PCDHGA6: variants seen among roughly 807,000 people sequenced by gnomAD.
The protein encoded by PCDHGA6 is protocadherin gamma-A6.
A neutral mutation model predicts 60.6 loss-of-function variants in PCDHGA6; 41 were observed. The observed-to-expected ratio is 0.68, with a 90% CI of 0.53 to 0.88. PCDHGA6 has a LOEUF of 0.88. Among genes scored for constraint, PCDHGA6 ranks in the 40% least tolerant of loss-of-function variants. The probability of loss-of-function intolerance (pLI) is 0.00; values close to 1 mark genes in which losing one functional copy is unlikely to be tolerated. For synonymous variants in PCDHGA6, 594 were observed against 524.4 expected (o/e 1.13, Z -1.81); for missense variants, 1,312 against 1,203.0 (o/e 1.09, Z -1.34).
intron 1 of PCDHGA6, chr5:141,383,954 T>C: frequency 6.2e-7 from 1 of 1,613,650 alleles, no homozygotes; most frequent in Non-Finnish European, 8.5e-7. Flanking sequence ...ATGACGTCTT[T>C]AAGTAGCTCA....
At chr5:141,467,431 C>T (rs1452587540) in intron 1 of PCDHGA6, among the ~76,000 whole-genome samples, 1 of 152,170 alleles carries the variant, frequency 6.6e-6, no homozygotes, top group African/African-American at 2.4e-5. Flanking sequence ...GTTATAGAAA[C>T]ATTCATTACT....
At chr5:141,464,407 A>C (rs996561936) in intron 1 of PCDHGA6, among the ~76,000 whole-genome samples, 1 of 151,544 alleles carries the variant, frequency 6.6e-6, no homozygotes, top group Non-Finnish European at 1.5e-5. Flanking sequence ...CCTGAGATAT[A>C]TATATATCTA....
At chr5:141,455,239 G>A (rs1034181635) in intron 1 of PCDHGA6, among the ~76,000 whole-genome samples, 1 of 151,898 alleles carries the variant, frequency 6.6e-6, no homozygotes, top group African/African-American at 2.4e-5. Context: ...AAATGTTAAA[G>A]GTCATAGTAC....
Position 141,456,287 on chromosome 5 carries a change from C to A in PCDHGA6, c.2425-38520C>A, listed in dbSNP as rs951430060. On this transcript the variant is annotated intron_variant, in intron 1 of 3. Transcript: ENST00000517434. ...CTGGCTACTTCCTGCTGAAAAGGGGCGTCTAATGGAGAACAGCAGCTAGGG... is the reference window on the plus strand; with the variant it reads ...CTGGCTACTTCCTGCTGAAAAGGGGAGTCTAATGGAGAACAGCAGCTAGGG... Among the ~76,000 whole-genome samples, 11 of 152,166 alleles carry A rather than the reference C, an allele frequency of 7.2e-5. No individual in the cohort carries two copies. In the East Asian group the frequency reaches 1.9e-3, roughly 27 times the overall value.
In PCDHGA6 at chr5:141,405,081, C is replaced by T. The variant is rs749102403; in HGVS notation, c.2424+28574C>T. 1.0e-4 allele frequency: 163 copies of T among 1,613,766 alleles called. No homozygotes were observed. The highest frequency in any genetic ancestry group is 1.2e-4 in the Non-Finnish European group (138 of 1,179,768). ...TGTGTCTTCCTCACCTTCGTTATCA[C>T]GCTGCTGGCCCTCAGGCTGAGGCAC... On this transcript the variant is annotated intron_variant, in intron 1 of 3. Transcript: ENST00000517434.
chr5:141,388,324 A>G, intron 1 of PCDHGA6: 1 of 1,613,978 alleles, frequency 6.2e-7, no homozygotes, highest in Non-Finnish European at 8.5e-7. Context: ...GAGTCTGCAC[A>G]GCCTGGCACA....
chr5:141,428,891 G>A (rs1382228334), intron 1 of PCDHGA6: 3 of 149,832 alleles, frequency 2.0e-5, no homozygotes, highest in East Asian at 3.9e-4. Flanking sequence ...GTCTCGCTCT[G>A]TGGTCCAGGC....
intron 1 of PCDHGA6, chr5:141,399,285 C>G (rs751998465): frequency 6.2e-7 from 1 of 1,613,838 alleles, no homozygotes; most frequent in Non-Finnish European, 8.5e-7. Flanking sequence ...AAGGCGAAGT[C>G]CCTTTTAAGA....
chr5:141,411,258 A>G (rs1415319110), intron 1 of PCDHGA6: 1 of 152,200 alleles, frequency 6.6e-6, no homozygotes, highest in African/African-American at 2.4e-5. Flanking sequence ...TATCTTATTT[A>G]TATATTTTTA....
At chr5:141,391,203 T>C (rs77020243) in intron 1 of PCDHGA6, 3 of 152,214 alleles carry the variant, frequency 2.0e-5, no homozygotes, top group Non-Finnish European at 4.4e-5. Flanking sequence ...ATATACAAAA[T>C]ACCAAGGAAC....
chr5:141,431,004 G>A lies in PCDHGA6; in HGVS notation c.2424+54497G>A, dbSNP rs569594120. The A allele has an allele frequency of 6.2e-7, 1 of 1,614,048 alleles. No homozygotes were observed. The highest frequency in any genetic ancestry group is 1.1e-5 in the South Asian group (1 of 91,074). On this transcript the variant is annotated intron_variant, in intron 1 of 3. Coordinates refer to ENST00000517434, the MANE Select transcript of PCDHGA6 (RefSeq NM_018919.3). The surrounding 1 kb of genome is among the most constrained non-coding windows in gnomAD (Gnocchi z 4.8). ...CTTTTCGCCCTGAATCCGCGCAGCG[G>A]CAGCTTGGTCACGGCGGGCAGGATA... is the stretch of plus-strand genomic sequence containing the variant.
chr5:141,389,771 C>G, intron 1 of PCDHGA6: 1 of 1,613,206 alleles, frequency 6.2e-7, no homozygotes, highest in Non-Finnish European at 8.5e-7. Context: ...CAGCGCGTGC[C>G]TTAGGCGACA....
intron 1 of PCDHGA6, chr5:141,411,226 C>G (rs781690096): frequency 6.6e-6 from 1 of 151,996 alleles, no homozygotes; most frequent in South Asian, 2.1e-4. Flanking sequence ...TTCAAATTTG[C>G]GAAGACTTAG....
chr5:141,376,736 G>T (rs1158010904), intron 1 of PCDHGA6: 1 of 522,720 alleles, frequency 1.9e-6, no homozygotes, highest in Non-Finnish European at 3.2e-6. Flanking sequence ...CCGGACTGCG[G>T]ACTGCAGTGG....
At chr5:141,414,316 G>T (rs2095734692) in intron 1 of PCDHGA6, 1 of 1,613,682 alleles carries the variant, frequency 6.2e-7, no homozygotes, top group Admixed American at 1.7e-5. Flanking sequence ...TTTAGACTCT[G>T]AGCAGAATGG....
chr5:141,491,537 C>T lies in PCDHGA6; in HGVS notation c.2425-3270C>T, dbSNP rs1330469043. The T allele has an allele frequency of 3.1e-6, 5 of 1,613,908 alleles. No homozygotes were observed. The highest frequency in any genetic ancestry group is 4.2e-6 in the Non-Finnish European group (5 of 1,180,020). On this transcript the variant is annotated intron_variant, in intron 1 of 3. Transcript: ENST00000517434. This position sits in a 1 kb window ranked among gnomAD's most constrained non-coding sequence, Gnocchi z 6.9. ...AAGTACATGGAGGTGACGCTGCGGC[C>T]CACAGACTCGCAGAGCCACTGCTAC...
At position 141,511,574 on chromosome 5, in the gene PCDHGA6, GT is replaced by G. The variant is rs1158598698; in HGVS notation, c.*403del. ...CAGTTCCTCTTTCCCGAGTAAGGTG[GT>G]TGGGGTGTTGAAGTACCAAGTAACC... On this transcript the variant is annotated 3_prime_UTR_variant, in exon 4 of 4. Coordinates refer to ENST00000517434, the MANE Select transcript of PCDHGA6 (RefSeq NM_018919.3). 3.5e-6 allele frequency: 1 copy of G among 287,556 alleles called. No individual in the cohort carries two copies. The highest frequency in any genetic ancestry group is 2.2e-5 in the African/African-American group (1 of 46,340). 17.8% of individuals were successfully genotyped at this position (287,556 alleles called of 1,614,324 possible).
rs748972821 is a variant in PCDHGA6 at position 141,476,094 on chromosome 5, GAGAGGAACT to G, written c.2425-18712_2425-18704del. ...TCTCAGGGACGATCTGGACCCCGCT[GAGAGGAACT>G]GCTTTTGAGTGAGATGGTCCCAGAG... is the stretch of plus-strand genomic sequence containing the variant. On this transcript the variant is annotated intron_variant, in intron 1 of 3. Coordinates refer to ENST00000517434, the MANE Select transcript of PCDHGA6 (RefSeq NM_018919.3). This position sits in a 1 kb window ranked among gnomAD's most constrained non-coding sequence, Gnocchi z 7.6. 6.4e-7 allele frequency: 1 copy of G among 1,568,172 alleles called. No individual in the cohort carries two copies. The highest frequency in any genetic ancestry group is 1.2e-5 in the South Asian group (1 of 85,292).
intron 1 of PCDHGA6, chr5:141,400,083 C>T (rs1396687812): frequency 6.2e-7 from 1 of 1,614,048 alleles, no homozygotes; most frequent in Non-Finnish European, 8.5e-7. Context: ...CACTCTCCGC[C>T]ACCGCCACGC....
Sources: gnomAD v4.1 joint callset for allele counts (sites outside exome capture counted in the v4.1 genomes callset) on GRCh38, gnomAD v4.1.1 for gene constraint, Gnocchi (gnomAD v3.1) non-coding constraint, MANE v1.5 for transcripts, NCBI Gene and HGNC (gene_info 2026-07-23, HGNC 2026-07-21) for gene names.